FYB1: variants seen among roughly 807,000 people sequenced by gnomAD.
The protein encoded by FYB1 is FYN binding protein 1, also known as FYN-binding protein 1.
FYB1 carries 41 observed loss-of-function variants against 94.1 expected under a neutral mutation model. The ratio of observed to expected loss-of-function variants is 0.44; its 90% CI spans 0.34 to 0.57. FYB1 has a LOEUF of 0.57. Among genes scored for constraint, FYB1 ranks in the 20% least tolerant of loss-of-function variants. The pLI is 0.02. For missense variants in FYB1, 1,050 were observed against 976.8 expected (o/e 1.07, Z -1.00); for synonymous variants, 367 against 353.2 (o/e 1.04, Z -0.44).
chr5:39,212,300 C>A (rs1161726315), intron 1 of FYB1, among the ~76,000 whole-genome samples: 1 of 151,602 alleles, frequency 6.6e-6, no homozygotes, highest in African/African-American at 2.4e-5. Flanking sequence ...AGAGCAAGAC[C>A]TTGTCTCAAA....
chr5:39,201,788 G>A (rs372007874), intron 2 of FYB1, 38 bp downstream of exon 2: 7 of 1,554,062 alleles, frequency 4.5e-6, no homozygotes, highest in Non-Finnish European at 4.4e-6. Flanking sequence ...CTGCCTTGGA[G>A]TAAACCATAC....
chr5:39,159,201 ATTTG>A (rs1256099470), intron 2 of FYB1, among the ~76,000 whole-genome samples: 2 of 152,158 alleles, frequency 1.3e-5, no homozygotes, highest in South Asian at 2.1e-4. Context: ...TTCATCATCT[ATTTG>A]TTTGAGAATT....
intron 2 of FYB1, among the ~76,000 whole-genome samples, chr5:39,191,519 C>G (rs1218210228): frequency 6.6e-6 from 1 of 152,130 alleles, no homozygotes; most frequent in Non-Finnish European, 1.5e-5. Flanking sequence ...TCTTCGGTTA[C>G]TTTTTCCTGA....
intron 14 of FYB1, among the ~76,000 whole-genome samples, chr5:39,120,295 A>G (rs2150281951): frequency 6.6e-6 from 1 of 152,044 alleles, no homozygotes. Context: ...GGAGAAAGTA[A>G]GAAAGATAAG....
Position 39,118,923 on chromosome 5 carries a change from T to C in FYB1, c.2352A>G (p.Ile784Met), listed in dbSNP as rs367601387. Residue 784 changes from isoleucine to methionine, a missense_variant, in exon 16 of 19, where the codon ATA becomes ATG. Transcript: ENST00000512982. ...GAACTTTTGTGTCATCTGTGGTTTGTATAACTTCTAGAGATTCACCAGGTT... is the reference window on the plus strand; with the variant it reads ...GAACTTTTGTGTCATCTGTGGTTTGCATAACTTCTAGAGATTCACCAGGTT... ...QVKPGESLEV[I>M]QTTDDTKVLC... 1.3e-4 allele frequency: 200 copies of C among 1,564,620 alleles called. No homozygotes were observed. Among genetic ancestry groups the C allele is most frequent in the Non-Finnish European group, 1.7e-4 (190 of 1,151,484 alleles).
At chr5:39,109,251 T>C (rs1164928228) in intron 17 of FYB1, among the ~76,000 whole-genome samples, 1 of 151,660 alleles carries the variant, frequency 6.6e-6, no homozygotes, top group African/African-American at 2.4e-5. Flanking sequence ...GGAGGGAGGG[T>C]TTGGCTAACG....
At chr5:39,265,020 C>A (rs561834571) in intron 1 of FYB1, among the ~76,000 whole-genome samples, 54 of 151,930 alleles carry the variant, frequency 3.6e-4, no homozygotes, top group African/African-American at 1.3e-3. Flanking sequence ...CAGCGTCAGC[C>A]TCATCTGAGA....
At position 39,160,656 on chromosome 5, in the gene FYB1, C is replaced by T. The variant is rs563833265; in HGVS notation, c.1136-7052G>A. ...GCACTGGGTAATTTATTTTGCTTCT[C>T]TGGGTTTTAGATTCTATGCCTATTA... is the stretch of plus-strand genomic sequence containing the variant. On this transcript the variant is annotated intron_variant, in intron 2 of 18. Transcript: ENST00000512982. 2.6e-5 allele frequency among the ~76,000 whole-genome samples: 4 copies of T among 152,310 alleles called. No individual in the cohort carries two copies. In the South Asian group the frequency reaches 8.3e-4, roughly 32 times the overall value.
At chr5:39,137,820 C>CTGAAG (rs1208705600) in intron 6 of FYB1, 100 bp from the exon 7 acceptor site, 16 of 1,464,640 alleles carry the variant, frequency 1.1e-5, no homozygotes, top group African/African-American at 2.9e-5. Context: ...AAGGTGGTAT[C>CTGAAG]TGAAGTACAG....
rs143296706 is a variant in FYB1, at chr5:39,114,493, A to G, written c.2402-4104T>C. On this transcript the variant is annotated intron_variant, in intron 16 of 18. Coordinates refer to ENST00000512982, the MANE Select transcript of FYB1 (RefSeq NM_001465.6). ...TTACGAATTTAGGTTGAAGTAAGCT[A>G]TGCTTTTCTTTCTTTGATGGATTAA... 7.5e-3 allele frequency among the ~76,000 whole-genome samples: 1,148 copies of G among 152,306 alleles called. 4 individuals are homozygous for G. The highest frequency in any genetic ancestry group is 0.012 in the Non-Finnish European group (826 of 68,012).
chr5:39,174,534 T>C (rs1745531049), intron 2 of FYB1, among the ~76,000 whole-genome samples: 2 of 152,176 alleles, frequency 1.3e-5, no homozygotes, highest in Non-Finnish European at 2.9e-5. Flanking sequence ...AGGGATGACA[T>C]AGCATAAGGA....
chr5:39,144,637 A>G (rs527794038), intron 3 of FYB1, among the ~76,000 whole-genome samples: 46 of 152,288 alleles, frequency 3.0e-4, no homozygotes, highest in South Asian at 8.3e-4. Flanking sequence ...CCCCGTCTCT[A>G]CTAAAAATAC....
intron 2 of FYB1, among the ~76,000 whole-genome samples, chr5:39,191,082 A>G (rs1021284022): frequency 2.0e-5 from 3 of 152,208 alleles, no homozygotes; most frequent in African/African-American, 7.2e-5. Context: ...CTATTCCAGA[A>G]TAAGAAAAAC....
At position 39,153,459 on chromosome 5, in the gene FYB1, C is replaced by T. The variant is rs115158663; in HGVS notation, c.1281G>A (p.Pro427=). The change falls in exon 3 of 19, where the codon CCG becomes CCA. Residue 427 remains proline (P), a synonymous_variant. Transcript: ENST00000512982. The stretch of plus-strand genomic sequence containing the variant: ...AATCTTTTGCTTACTTTAGGTCAAA[C>T]GGAGGTTTAATGTTTCTGGGAGGTA... ...PSLPPRNIKP[P]FDLKSPVNED... The T allele has an allele frequency of 7.5e-5, 121 of 1,613,632 alleles. No individual in the cohort carries two copies. In the African/African-American group the frequency reaches 7.6e-4, roughly 10 times the overall value.
chr5:39,153,916 C>T (rs1470583248), intron 2 of FYB1, among the ~76,000 whole-genome samples: 4 of 151,678 alleles, frequency 2.6e-5, no homozygotes, highest in South Asian at 2.1e-4. Flanking sequence ...TGGGACTACA[C>T]GCGTGCACCA....
chr5:39,157,324 T>C (rs983335941), intron 2 of FYB1, among the ~76,000 whole-genome samples: 1 of 152,212 alleles, frequency 6.6e-6, no homozygotes, highest in African/African-American at 2.4e-5. Flanking sequence ...TTTGTATTTT[T>C]CCTCTTAGTG....
chr5:39,168,082 G>A (rs1744905974), intron 2 of FYB1, among the ~76,000 whole-genome samples: 1 of 152,148 alleles, frequency 6.6e-6, no homozygotes, highest in East Asian at 1.9e-4. Context: ...GTGTCTCTGT[G>A]TAACTTTCTT....
chr5:39,205,315 G>A (rs1052858953), intron 1 of FYB1, among the ~76,000 whole-genome samples: 5 of 152,120 alleles, frequency 3.3e-5, no homozygotes, highest in South Asian at 4.1e-4. Context: ...TTGGACAAAA[G>A]GCATCAAAAT....
intron 3 of FYB1, 30 bp from the exon 4 acceptor site, chr5:39,141,171 A>G: frequency 6.7e-7 from 1 of 1,482,652 alleles, no homozygotes; most frequent in Middle Eastern, 1.7e-4. Context: ...AACAGTGAAC[A>G]TGGAACAAGT....
Sources: allele counts gnomAD v4.1 joint callset (sites outside exome capture counted in the v4.1 genomes callset), GRCh38; gene constraint gnomAD v4.1.1; transcripts MANE v1.5; gene names NCBI Gene and HGNC (gene_info 2026-07-23, HGNC 2026-07-21).